The following STK38 variants were observed in gnomAD, a reference collection of about 807,000 sequenced individuals.
STK38 encodes serine/threonine kinase 38.
A neutral mutation model predicts 59.0 loss-of-function variants in STK38; 26 were observed. The observed-to-expected ratio is 0.44, with a 90% CI of 0.32 to 0.61. The LOEUF is 0.61. STK38 is among the 20% of genes least tolerant of loss of function. STK38 has a pLI of 0.04. For synonymous variants in STK38, 175 were observed against 176.6 expected, an observed-to-expected ratio of 0.99 and a Z score of 0.07; for missense variants, 433 against 566.0, an observed-to-expected ratio of 0.76 and a Z score of 2.38.
At chr6:36,515,575 A>C (rs1777231329) in intron 6 of STK38, 83 bp from the exon 7 acceptor site, 9 of 1,581,868 alleles carry the variant, frequency 5.7e-6, no homozygotes, top group Non-Finnish European at 7.7e-6. Flanking sequence ...GTGAGTACCA[A>C]TTTTCAGATA....
In STK38 at chr6:36,495,777, A is replaced by G; in HGVS notation, c.*7T>C. 6.2e-7 allele frequency: 1 copy of G among 1,613,770 alleles called. No homozygotes were observed. Among genetic ancestry groups the G allele is most frequent in the Non-Finnish European group, 8.5e-7 (1 of 1,179,770 alleles). On this transcript the variant is annotated 3_prime_UTR_variant, in exon 14 of 14. Transcript: ENST00000229812. ...TCTGCTCCACATAGGATTCCGTGGC[A>G]AGAGTACTATTTTGCTGCTTTCATG...
In STK38 at chr6:36,515,644, T is replaced by C. The variant is rs1396386337; in HGVS notation, c.515-152A>G. On this transcript the variant is annotated intron_variant, in intron 6 of 13. Coordinates refer to ENST00000229812, the MANE Select transcript of STK38 (RefSeq NM_007271.4). The stretch of plus-strand genomic sequence containing the variant: ...ACAGACCTCTTCTGTGTGCCAGAGA[T>C]AGACCCACATGGCCAACATGGGAAG... 47 of 1,344,424 alleles carry C rather than the reference T, an allele frequency of 3.5e-5. No homozygotes were observed. The East Asian group carries it at 5.5e-4, about 16-fold the overall frequency. 83.3% of individuals were successfully genotyped at this position (1,344,424 alleles called of 1,614,324 possible). A position where few individuals can be genotyped will look rare whatever the true frequency, so the allele number is the denominator to read the frequency against.
chr6:36,496,889 C>T, intron 12 of STK38, 84 bp from the exon 13 acceptor site: 1 of 992,208 alleles, frequency 1.0e-6, no homozygotes, highest in Non-Finnish European at 1.5e-6. Context: ...AAAAAGACCC[C>T]TGGTCTGACA....
At position 36,496,605 on chromosome 6, in the gene STK38, T is replaced by C. The variant is rs575398390; in HGVS notation, c.1267+106A>G. On this transcript the variant is annotated intron_variant, in intron 13 of 13. Coordinates refer to ENST00000229812, the MANE Select transcript of STK38 (RefSeq NM_007271.4). ...AGTACTTACAAAGAACCTGAAGAAA[T>C]GAAATTCCTCTCCATGTTCACTACC... is the stretch of plus-strand genomic sequence containing the variant. The C allele has an allele frequency of 7.3e-4, 604 of 826,322 alleles. 5 individuals are homozygous for C. The highest frequency in any genetic ancestry group is 1.1e-3 in the Middle Eastern group (5 of 4,508). The allele number at this position is 826,322 out of a possible 1,614,324, so 51.2% of individuals were successfully genotyped here.
chr6:36,510,538 C>T (rs946730259), intron 7 of STK38, among the ~76,000 whole-genome samples: 1 of 152,224 alleles, frequency 6.6e-6, no homozygotes, highest in African/African-American at 2.4e-5. Flanking sequence ...CTCCTGCCAG[C>T]TCCATGGAGC....
intron 3 of STK38, 144 bp downstream of exon 3, chr6:36,525,447 C>A: frequency 1.6e-6 from 1 of 634,872 alleles, no homozygotes. Context: ...TGAATTAACA[C>A]CCAAATCCGG....
intron 2 of STK38, among the ~76,000 whole-genome samples, chr6:36,537,015 G>T (rs890518571): frequency 1.3e-5 from 2 of 151,844 alleles, no homozygotes; most frequent in African/African-American, 4.8e-5. Flanking sequence ...GATTACTTAC[G>T]AAACATACAC....
At position 36,519,486 on chromosome 6, in the gene STK38, A is replaced by G. The variant is rs940723254; in HGVS notation, c.391-1646T>C. On this transcript the variant is annotated intron_variant, in intron 5 of 13. Transcript: ENST00000229812. Reference sequence around the variant, plus strand: ...GCCAGAGAAAAGGAGAGGCACTACAATTACCACTTGTCACTCACCCTGGAG... The same window carrying G: ...GCCAGAGAAAAGGAGAGGCACTACAGTTACCACTTGTCACTCACCCTGGAG... 3.3e-5 allele frequency among the ~76,000 whole-genome samples: 5 copies of G among 152,186 alleles called. No homozygotes were observed. In the South Asian group the frequency reaches 6.2e-4, roughly 19 times the overall value.
intron 4 of STK38, among the ~76,000 whole-genome samples, chr6:36,523,589 C>T (rs961091787): frequency 2.0e-5 from 3 of 152,090 alleles, no homozygotes; most frequent in Non-Finnish European, 2.9e-5. Flanking sequence ...TAATATACTG[C>T]TCCTTTTATA....
At chr6:36,497,073 T>TC (rs1253734554) in intron 12 of STK38, among the ~76,000 whole-genome samples, 1 of 152,122 alleles carries the variant, frequency 6.6e-6, no homozygotes, top group Non-Finnish European at 1.5e-5. Context: ...TTAGTGCAAC[T>TC]CCCCCCATGG....
intron 5 of STK38, 112 bp from the exon 6 acceptor site, chr6:36,517,952 G>A (rs1777295088): frequency 6.1e-6 from 8 of 1,320,344 alleles, no homozygotes; most frequent in East Asian, 2.5e-5. Context: ...GTATTTAATC[G>A]TGATGATATA....
intron 7 of STK38, among the ~76,000 whole-genome samples, chr6:36,514,242 A>G (rs1219523547): frequency 6.6e-6 from 1 of 151,730 alleles, no homozygotes; most frequent in Non-Finnish European, 1.5e-5. Flanking sequence ...CTTGAACCCA[A>G]GAATTAGATT....
At chr6:36,518,876 C>T (rs1777318390) in intron 5 of STK38, among the ~76,000 whole-genome samples, 1 of 152,166 alleles carries the variant, frequency 6.6e-6, no homozygotes, top group African/African-American at 2.4e-5. Context: ...AAAACATGTA[C>T]CAAGGTTCAC....
intron 5 of STK38, among the ~76,000 whole-genome samples, chr6:36,521,512 T>G (rs1777374833): frequency 6.6e-6 from 1 of 152,158 alleles, no homozygotes; most frequent in Non-Finnish European, 1.5e-5. Flanking sequence ...TTGGAACAGA[T>G]TTTCAATTTT....
chr6:36,541,406 AT>A (rs1321186822), intron 1 of STK38, among the ~76,000 whole-genome samples: 15 of 150,442 alleles, frequency 1.0e-4, no homozygotes, highest in Non-Finnish European at 1.6e-4. Context: ...CTAAAAAAAA[AT>A]ATACAGTATG....
chr6:36,523,442 T>C (rs1028941611), intron 4 of STK38, among the ~76,000 whole-genome samples: 1 of 151,910 alleles, frequency 6.6e-6, no homozygotes. Flanking sequence ...TTTCTATTTT[T>C]AGTAGAGACA....
intron 4 of STK38, among the ~76,000 whole-genome samples, chr6:36,523,854 G>C (rs1777444192): frequency 6.6e-6 from 1 of 152,204 alleles, no homozygotes; most frequent in South Asian, 2.1e-4. Context: ...GAAATAAAGG[G>C]TGGAGATACA....
intron 6 of STK38, 121 bp from the exon 7 acceptor site, chr6:36,515,613 G>C (rs7738604): frequency 6.6e-7 from 1 of 1,519,800 alleles, no homozygotes; most frequent in Non-Finnish European, 8.8e-7. Flanking sequence ...AAAATAAGGC[G>C]GCTAAACAGA....
intron 9 of STK38, among the ~76,000 whole-genome samples, chr6:36,502,594 A>G (rs1465001600): frequency 1.3e-5 from 2 of 152,196 alleles, no homozygotes; most frequent in Non-Finnish European, 2.9e-5. Flanking sequence ...CCAAAAGTAA[A>G]TATGTCACAT....
Sources: allele counts gnomAD v4.1 joint callset (sites outside exome capture counted in the v4.1 genomes callset), GRCh38; gene constraint gnomAD v4.1.1; transcripts MANE v1.5; gene names NCBI Gene and HGNC (gene_info 2026-07-23, HGNC 2026-07-21).